MAGI2: variants seen among roughly 807,000 people sequenced by gnomAD.
The protein encoded by MAGI2 is membrane associated guanylate kinase, WW and PDZ domain containing 2.
Under a neutral mutation model 133.3 loss-of-function variants are expected in MAGI2, and 35 were observed. The observed-to-expected ratio is 0.26, with a 90% CI of 0.20 to 0.35. The LOEUF is 0.35. Ranked by LOEUF, MAGI2 falls within the 10% of genes least tolerant of loss-of-function variation. The probability of loss-of-function intolerance (pLI) is 1.00; values close to 1 mark genes in which losing one functional copy is unlikely to be tolerated. For missense variants in MAGI2, 1,636 were observed against 1,863.4 expected (o/e 0.88, Z 2.25); for synonymous variants, 729 against 710.6 (o/e 1.03, Z -0.41).
At chr7:79,168,889 GATATATATATATATATATATAT>G (rs1182056135) in intron 1 of MAGI2, among the ~76,000 whole-genome samples, 6 of 14,632 alleles carry the variant, frequency 4.1e-4, no homozygotes, top group South Asian at 2.4e-3. Context: ...TCTAAAGATA[GATATATATATATATATATATAT>G]ATATATATAT....
chr7:78,772,045 A>G (rs1189346314), intron 2 of MAGI2, among the ~76,000 whole-genome samples: 1 of 152,184 alleles, frequency 6.6e-6, no homozygotes, highest in Non-Finnish European at 1.5e-5. Flanking sequence ...AGAGACAGAA[A>G]CAACTGGAAA....
At chr7:78,820,329 G>A (rs547449134) in intron 2 of MAGI2, among the ~76,000 whole-genome samples, 1 of 152,012 alleles carries the variant, frequency 6.6e-6, no homozygotes, top group Non-Finnish European at 1.5e-5. Context: ...AGAATGATGA[G>A]TTCTTCAAGG....
chr7:78,094,934 T>C (rs760687101), intron 20 of MAGI2, among the ~76,000 whole-genome samples: 2 of 152,182 alleles, frequency 1.3e-5, no homozygotes, highest in African/African-American at 2.4e-5. Context: ...CTCTCTCCCC[T>C]CTGCAGCCGC....
chr7:79,025,720 G>A (rs1433415061), intron 1 of MAGI2, among the ~76,000 whole-genome samples: 1 of 152,114 alleles, frequency 6.6e-6, no homozygotes. Flanking sequence ...GAAAGACAAG[G>A]TCCTGATCTG....
rs1843853192 is a variant in MAGI2, at chr7:79,382,359, A to G, written c.301+70661T>C. Among the ~76,000 whole-genome samples the G allele has an allele frequency of 2.0e-5, 3 of 151,692 alleles. No homozygotes were observed. In the Admixed American group the frequency reaches 2.0e-4, roughly 10 times the overall value. ...TCTTCTTATATTCTCCTGGAAGTAT[A>G]ATAAATTTCTACAATTTAATTATCA... is the stretch of plus-strand genomic sequence containing the variant. On this transcript the variant is annotated intron_variant, in intron 1 of 21. Transcript: ENST00000354212.
chr7:79,006,454 G>C (rs981563297), intron 2 of MAGI2, among the ~76,000 whole-genome samples: 1 of 152,048 alleles, frequency 6.6e-6, no homozygotes, highest in Non-Finnish European at 1.5e-5. Flanking sequence ...GGATTTTCAG[G>C]TGAGCTGTAA....
At chr7:79,155,290 T>C (rs965792779) in intron 1 of MAGI2, among the ~76,000 whole-genome samples, 17 of 152,182 alleles carry the variant, frequency 1.1e-4, no homozygotes, top group Non-Finnish European at 2.1e-4. Context: ...TATTCACTCA[T>C]TCATGTACTC....
intron 2 of MAGI2, among the ~76,000 whole-genome samples, chr7:78,830,264 CTA>C (rs1791026875): frequency 6.6e-6 from 1 of 152,082 alleles, no homozygotes; most frequent in African/African-American, 2.4e-5. Flanking sequence ...TGAAAGAAAA[CTA>C]TTTATGAAAA....
chr7:78,637,488 G>A (rs552371685), intron 2 of MAGI2, among the ~76,000 whole-genome samples: 1 of 151,202 alleles, frequency 6.6e-6, no homozygotes, highest in African/African-American at 2.4e-5. Context: ...AACTATGGTG[G>A]ATGTCAAAAA....
chr7:79,157,849 AGTTT>A, intron 1 of MAGI2, among the ~76,000 whole-genome samples: 1 of 120,372 alleles, frequency 8.3e-6, no homozygotes, highest in African/African-American at 3.1e-5. Flanking sequence ...GTATCTAACA[AGTTT>A]TTTTTTTTTT....
chr7:78,937,722 T>TGGATCGAAACTACCTGGGA, intron 2 of MAGI2, among the ~76,000 whole-genome samples: 1 of 152,276 alleles, frequency 6.6e-6, no homozygotes, highest in African/African-American at 2.4e-5. Context: ...ACATGGTCTC[T>TGGATCGAAACTACCTGGGA]GGATCGAAAC....
intron 3 of MAGI2, among the ~76,000 whole-genome samples, chr7:78,551,424 T>C (rs571479090): frequency 5.3e-5 from 8 of 152,356 alleles, no homozygotes; most frequent in Admixed American, 1.3e-4. Flanking sequence ...ACAAGATTTA[T>C]TGTCAAGCCA....
intron 2 of MAGI2, among the ~76,000 whole-genome samples, chr7:78,832,836 G>A (rs970617738): frequency 1.3e-5 from 2 of 152,306 alleles, no homozygotes; most frequent in Non-Finnish European, 2.9e-5. Context: ...ATGAATGGAC[G>A]TGCAGTCAGG....
intron 6 of MAGI2, among the ~76,000 whole-genome samples, chr7:78,410,926 T>C (rs889674495): frequency 3.9e-5 from 6 of 152,028 alleles, no homozygotes; most frequent in African/African-American, 1.4e-4. Flanking sequence ...CAATGTATTG[T>C]CATTAGCATA....
At chr7:78,867,889 G>A (rs1314884453) in intron 2 of MAGI2, among the ~76,000 whole-genome samples, 7 of 151,892 alleles carry the variant, frequency 4.6e-5, no homozygotes, top group Admixed American at 2.0e-4. Context: ...CATATGTTTC[G>A]GGCTTGAAAT....
intron 1 of MAGI2, among the ~76,000 whole-genome samples, chr7:79,022,942 A>G (rs1025042450): frequency 6.6e-6 from 1 of 152,150 alleles, no homozygotes; most frequent in African/African-American, 2.4e-5. Context: ...AGCTGGTACT[A>G]TTCTAAAAAA....
At chr7:78,589,873 G>A (rs879772367) in intron 3 of MAGI2, among the ~76,000 whole-genome samples, 2 of 152,134 alleles carry the variant, frequency 1.3e-5, no homozygotes. Flanking sequence ...CAACAAGCAG[G>A]TTATTATTTC....
At chr7:79,429,609 CTATTA>C (rs1563216193) in intron 1 of MAGI2, among the ~76,000 whole-genome samples, 1 of 152,034 alleles carries the variant, frequency 6.6e-6, no homozygotes, top group Non-Finnish European at 1.5e-5. Flanking sequence ...CCAGCCAATT[CTATTA>C]TATTTCTTAA....
chr7:79,126,712 A>G (rs1263753297), intron 1 of MAGI2, among the ~76,000 whole-genome samples: 2 of 151,824 alleles, frequency 1.3e-5, no homozygotes, highest in African/African-American at 2.4e-5. Context: ...TATCTTTCTC[A>G]TCTCCCTTTT....
Sources: allele counts gnomAD v4.1 joint callset (sites outside exome capture counted in the v4.1 genomes callset), GRCh38; gene constraint gnomAD v4.1.1; transcripts MANE v1.5; gene names NCBI Gene and HGNC (gene_info 2026-07-23, HGNC 2026-07-21).